Variants in P2RX5 observed in about 807,000 individuals in gnomAD.
P2RX5 encodes the protein P2X purinoceptor 5.
P2RX5 carries 46 observed loss-of-function variants against 54.1 expected under a neutral mutation model. The ratio of observed to expected loss-of-function variants is 0.85; its 90% confidence interval spans 0.67 to 1.09. The LOEUF is 1.09. Ranked by LOEUF, P2RX5 falls within the 50% of genes least tolerant of loss-of-function variation. The probability of loss-of-function intolerance (pLI) is 0.00; values close to 1 mark genes in which losing one functional copy is unlikely to be tolerated. For missense variants in P2RX5, 566 were observed against 549.8 expected, an observed-to-expected ratio of 1.03 and a Z score of -0.29; for synonymous variants, 226 against 226.4, an observed-to-expected ratio of 1.00 and a Z score of 0.02.
At chr17:3,688,589 A>G (rs745339400) in intron 8 of P2RX5, 37 bp downstream of exon 8, 2 of 1,612,814 alleles carry the variant, frequency 1.2e-6, no homozygotes, top group East Asian at 2.2e-5. Flanking sequence ...GCCACTGATC[A>G]TGGTCAGGTC....
intron 11 of P2RX5, chr17:3,676,210 A>G: frequency 1.0e-6 from 1 of 985,386 alleles, no homozygotes; most frequent in Non-Finnish European, 1.2e-6. Flanking sequence ...CTCACATACA[A>G]CGGGGTAGGA....
chr17:3,689,625 T>G lies in P2RX5; in HGVS notation c.620A>C (p.Asn207Thr). 1 of 1,614,140 alleles carries G rather than the reference T, an allele frequency of 6.2e-7. No individual in the cohort carries two copies. The highest frequency in any genetic ancestry group is 1.3e-5 in the African/African-American group (1 of 75,052). Reference sequence around the variant, plus strand: ...AGATCTGTCCTTGACGTCCATCACATTGCTTCTGGGTGGAGGCCATGGGCA... The same window carrying G: ...AGATCTGTCCTTGACGTCCATCACAGTGCTTCTGGGTGGAGGCCATGGGCA... ...RFPKFNFSKS[N>T]VMDVKDRSFL... The change falls in exon 7 of 12, where the codon AAT (asparagine) becomes ACT (threonine). Residue 207 changes from asparagine (N) to threonine (T), a missense_variant. By Grantham distance (65) the Asn-to-Thr change is moderately conservative. Transcript: ENST00000225328.
At position 3,688,045 on chromosome 17, in the gene P2RX5, G is replaced by A. The variant is rs754308667; in HGVS notation, c.948C>T (p.Tyr316=). ...GVEFRTLMKA[Y]GIRFDVMVNG... is the part of the protein sequence containing the mutation. ...TCACCATCACGTCAAAGCGGATCCCGTAGGCTTTCATCAGGGTGCGGAACT... is the reference window on the plus strand; with the variant it reads ...TCACCATCACGTCAAAGCGGATCCCATAGGCTTTCATCAGGGTGCGGAACT... Residue 316 remains tyrosine, a synonymous_variant, in exon 9 of 12, where the codon TAC becomes TAT. Transcript: ENST00000225328. 19 of 1,599,154 alleles carry A rather than the reference G, an allele frequency of 1.2e-5. No individual in the cohort carries two copies. Among genetic ancestry groups the A allele is most frequent in the Non-Finnish European group, 1.4e-5 (16 of 1,173,888 alleles).
intron 8 of P2RX5, 34 bp from the exon 9 acceptor site, chr17:3,688,139 C>T: frequency 8.4e-7 from 1 of 1,191,334 alleles, no homozygotes; most frequent in Non-Finnish European, 1.2e-6. Context: ...AGGCCTCAGC[C>T]TGCCTGGCCT....
the P2RX5 span, among the ~76,000 whole-genome samples, chr17:3,713,741 A>C: frequency 7.5e-6 from 1 of 134,208 alleles, no homozygotes; most frequent in African/African-American, 3.2e-5. Context: ...TAAGAGCAAA[A>C]CTCTGTCTCA....
intron 1 of P2RX5, among the ~76,000 whole-genome samples, chr17:3,693,127 CAAAA>C (rs34356240): frequency 1.8e-3 from 179 of 101,664 alleles, no homozygotes; most frequent in Non-Finnish European, 1.6e-3. Context: ...AGACATTTCT[CAAAA>C]AAAAAAAAAA....
At chr17:3,683,650 A>G (rs1369299916) in intron 9 of P2RX5, among the ~76,000 whole-genome samples, 3 of 150,080 alleles carry the variant, frequency 2.0e-5, no homozygotes, top group Non-Finnish European at 4.4e-5. Flanking sequence ...GAATTGCTTG[A>G]GCCTGGGAGG....
rs773842743 is a variant in P2RX5, at chr17:3,688,074, C to T, written c.919G>A (p.Val307Met). The T allele has an allele frequency of 5.6e-6, 9 of 1,606,578 alleles. No homozygotes were observed. The highest frequency in any genetic ancestry group is 2.6e-6 in the Non-Finnish European group (3 of 1,176,364). ...GCTTTCATCAGGGTGCGGAACTCCA[C>T]CCCGGCTGCGTCTCGGTAATATCTG... Reference protein sequence around the residue: ...FARYYRDAAGVEFRTLMKAYG... With the variant: ...FARYYRDAAGMEFRTLMKAYG... The change falls in exon 9 of 12, where the codon GTG becomes ATG. Residue 307 changes from valine to methionine, a missense_variant. Transcript: ENST00000225328.
chr17:3,689,823 G>A (rs1018510738), intron 6 of P2RX5, among the ~76,000 whole-genome samples, 193 bp from the exon 7 acceptor site: 9 of 152,188 alleles, frequency 5.9e-5, no homozygotes, highest in Non-Finnish European at 8.8e-5. Flanking sequence ...CCACTCACAT[G>A]CAGACATCAC....
chr17:3,676,238 T>A (rs780378042), intron 11 of P2RX5: 46 of 985,290 alleles, frequency 4.7e-5, no homozygotes, highest in Non-Finnish European at 4.9e-5. Flanking sequence ...GCTAGTCAGC[T>A]CCCAAGCCCA....
At chr17:3,704,132 C>A in the P2RX5 span, among the ~76,000 whole-genome samples, 3 of 151,658 alleles carry the variant, frequency 2.0e-5, no homozygotes, top group South Asian at 4.2e-4. Flanking sequence ...ACCCAAAAAA[C>A]CACACAAAAC....
chr17:3,712,537 AAAG>A, the P2RX5 span, among the ~76,000 whole-genome samples: 2 of 152,228 alleles, frequency 1.3e-5, no homozygotes, highest in African/African-American at 4.8e-5. Flanking sequence ...CGTCCTAGTC[AAAG>A]AAGTAAGGGT....
chr17:3,716,488 A>G, the P2RX5 span, among the ~76,000 whole-genome samples: 2 of 152,234 alleles, frequency 1.3e-5, no homozygotes, highest in Non-Finnish European at 2.9e-5. Context: ...ATCACTCTTT[A>G]TAACTCAGAG....
intron 1 of P2RX5, among the ~76,000 whole-genome samples, chr17:3,693,920 A>T (rs1337467342): frequency 6.6e-6 from 1 of 151,694 alleles, no homozygotes; most frequent in Non-Finnish European, 1.5e-5. Flanking sequence ...GCTCGCCACC[A>T]CACCCAGCCA....
chr17:3,711,675 C>T, the P2RX5 span, among the ~76,000 whole-genome samples: 3 of 151,616 alleles, frequency 2.0e-5, no homozygotes, highest in Non-Finnish European at 2.9e-5. Context: ...TGAGCCACTG[C>T]GCCCGGCCTC....
At chr17:3,720,584 C>CTT in the P2RX5 span, 984 of 321,064 alleles carry the variant, frequency 3.1e-3, 7 homozygotes, top group African/African-American at 0.017. Flanking sequence ...CTTCAACTTC[C>CTT]TTTTTTTTTT....
the P2RX5 span, among the ~76,000 whole-genome samples, chr17:3,712,393 A>T: frequency 5.3e-5 from 8 of 152,186 alleles, no homozygotes. Flanking sequence ...GGCTGCTCCA[A>T]CCAAGCCCTA....
intron 3 of P2RX5, 21 bp downstream of exon 3, chr17:3,690,935 G>A (rs2050598084): frequency 3.7e-6 from 6 of 1,607,070 alleles, no homozygotes; most frequent in Non-Finnish European, 5.1e-6. Flanking sequence ...CCCCACGCCA[G>A]GGCCCCTCGC....
chr17:3,676,474 T>C, intron 11 of P2RX5: 1 of 984,034 alleles, frequency 1.0e-6, no homozygotes, highest in African/African-American at 1.7e-5. Flanking sequence ...TTGAATCATG[T>C]AAGTATTACC....
Sources: gnomAD v4.1 joint callset for allele counts (sites outside exome capture counted in the v4.1 genomes callset) on GRCh38, gnomAD v4.1.1 for gene constraint, MANE v1.5 for transcripts, NCBI Gene and HGNC (gene_info 2026-07-23, HGNC 2026-07-21) for gene names.